Variants in BCL11A observed in about 807,000 individuals in gnomAD.
The protein encoded by BCL11A is B cell CLL/lymphoma 11A.
BCL11A carries 2 observed loss-of-function variants against 55.9 expected under a neutral mutation model. The ratio of observed to expected loss-of-function variants is 0.04; its 90% CI spans 0.01 to 0.11. BCL11A has a LOEUF of 0.11. Among genes scored for constraint, BCL11A ranks in the 10% least tolerant of loss-of-function variants. BCL11A has a pLI of 1.00. For missense variants in BCL11A, 817 were observed against 1,137.1 expected (o/e 0.72, Z 4.05); for synonymous variants, 465 against 473.4 (o/e 0.98, Z 0.23).
intron 2 of BCL11A, among the ~76,000 whole-genome samples, chr2:60,518,422 G>A (rs1474012511): frequency 2.0e-5 from 3 of 152,168 alleles, no homozygotes; most frequent in East Asian, 1.9e-4. Context: ...AAATGTCTGC[G>A]ATAGAGCAGA....
At chr2:60,547,709 G>C (rs1005787493) in intron 1 of BCL11A, among the ~76,000 whole-genome samples, 1 of 152,084 alleles carries the variant, frequency 6.6e-6, no homozygotes, top group Non-Finnish European at 1.5e-5. Context: ...TATTGGAACA[G>C]ATTTTGATAA....
rs2103797497 is a variant in BCL11A at position 60,458,736 on chromosome 2, T to C, written c.*1668A>G. ...TTGTACAGTGCACTTAATTGTCCTA[T>C]CTGAGCAGGTTTATTTTATACTCAA... On this transcript the variant is annotated 3_prime_UTR_variant, in exon 4 of 4. Coordinates refer to ENST00000642384, the MANE Select transcript of BCL11A (RefSeq NM_022893.4). 1 of 1,033,618 alleles carries C rather than the reference T, an allele frequency of 9.7e-7. No homozygotes were observed. The highest frequency in any genetic ancestry group is 6.0e-5 in the East Asian group (1 of 16,576). The allele number at this position is 1,033,618 out of a possible 1,614,324, so 64.0% of individuals were successfully genotyped here.
chr2:60,452,912 C>G (rs1254616586), downstream of BCL11A: 2 of 457,344 alleles, frequency 4.4e-6, no homozygotes, highest in Non-Finnish European at 8.0e-6. Flanking sequence ...GTCCCCCCAC[C>G]CCTGCCCAAT....
In BCL11A at chr2:60,457,458, C is replaced by A; in HGVS notation, c.*2946G>T. ...CATAAGCAATAATAAATAGTGACTC[C>A]CATAGTAAAAGATAAAATTTCAAGT... On this transcript the variant is annotated 3_prime_UTR_variant, in exon 4 of 4. Transcript: ENST00000642384. 9.6e-7 allele frequency: 1 copy of A among 1,039,934 alleles called. No individual in the cohort carries two copies. The highest frequency in any genetic ancestry group is 1.2e-6 in the Non-Finnish European group (1 of 862,560). 64.4% of individuals were successfully genotyped at this position (1,039,934 alleles called of 1,614,324 possible). A position where few individuals can be genotyped will look rare whatever the true frequency, so the allele number is the denominator to read the frequency against.
intron 2 of BCL11A, among the ~76,000 whole-genome samples, chr2:60,486,783 G>C (rs1678304088): frequency 6.6e-6 from 1 of 152,200 alleles, no homozygotes; most frequent in African/African-American, 2.4e-5. Flanking sequence ...CACAGTCTGA[G>C]AATGACCACA....
downstream of BCL11A, among the ~76,000 whole-genome samples, chr2:60,454,484 T>C (rs1675858229): frequency 6.6e-6 from 1 of 151,986 alleles, no homozygotes; most frequent in Non-Finnish European, 1.5e-5. Context: ...GAGAATGGGA[T>C]GGGTACATTC....
At chr2:60,527,384 C>T (rs1284177156) in intron 2 of BCL11A, 1 of 152,186 alleles carries the variant, frequency 6.6e-6, no homozygotes, top group Non-Finnish European at 1.5e-5. Context: ...CAAGGGAGAA[C>T]CACTACACTC....
At position 60,461,067 on chromosome 2, in the gene BCL11A, C is replaced by G. The variant is rs1369034641; in HGVS notation, c.1845G>C (p.Gly615=). The change falls in exon 4 of 4, where the codon GGG becomes GGC. Residue 615 remains glycine, a synonymous_variant. Coordinates refer to ENST00000642384, the MANE Select transcript of BCL11A (RefSeq NM_022893.4). ...CCAGCAGCAGCTTTTTGGACAGGCCCCCCGAGGCCGACTCGCCCGGGGAGC... is the reference window on the plus strand; with the variant it reads ...CCAGCAGCAGCTTTTTGGACAGGCCGCCCGAGGCCGACTCGCCCGGGGAGC... The part of the protein sequence containing the change: ...RGCSPGESAS[G]GLSKKLLLGS... The G allele has an allele frequency of 4.4e-6, 7 of 1,604,318 alleles. No homozygotes were observed. Among genetic ancestry groups the G allele is most frequent in the South Asian group, 1.1e-5 (1 of 90,400 alleles).
In BCL11A at chr2:60,468,827, A is replaced by G; in HGVS notation, c.392T>C (p.Leu131Pro). 6.2e-7 allele frequency: 1 copy of G among 1,606,130 alleles called. No individual in the cohort carries two copies. Among genetic ancestry groups the G allele is most frequent in the Non-Finnish European group, 8.5e-7 (1 of 1,177,674 alleles). Residue 131 changes from leucine to proline, a missense_variant, in exon 3 of 4, where the codon CTT (leucine) becomes CCT (proline). Leu to Pro is a moderately conservative substitution (Grantham distance 98, BLOSUM62 -3). Transcript: ENST00000642384. ...GGAGGAGAGGCCCCTCCAGTGCAGA[A>G]GTTTATCTGTGAAAGAAACCCAAAA... ...CPKQEHIADKLLHWRGLSSPR... is the reference protein window; with the variant it reads ...CPKQEHIADKPLHWRGLSSPR...
Position 60,546,073 on chromosome 2 carries a change from C to T in BCL11A, c.283G>A (p.Ala95Thr). 1.2e-6 allele frequency: 2 copies of T among 1,614,196 alleles called. No individual in the cohort carries two copies. The highest frequency in any genetic ancestry group is 1.7e-6 in the Non-Finnish European group (2 of 1,180,040). ...PSPSPIEMKK[A>T]SNPVEVGIQV... ...ATGCCAACCTCCACGGGATTGGATG[C>T]TTTTTTCATCTCGATTGGTGAAGGG... Residue 95 changes from alanine (A) to threonine (T), a missense_variant, in exon 2 of 4, where the codon GCA becomes ACA. Ala to Thr is a moderately conservative substitution (Grantham distance 58). Around this residue, in one of 4 missense-constraint regions of BCL11A, gnomAD observed 363 missense variants for 486.6 expected, o/e 0.75. Coordinates refer to ENST00000642384, the MANE Select transcript of BCL11A (RefSeq NM_022893.4). The surrounding 1 kb of genome is among the most constrained non-coding windows in gnomAD (Gnocchi z 4.1).
intron 2 of BCL11A, chr2:60,535,312 C>T (rs949388692): frequency 5.9e-5 from 9 of 152,146 alleles, no homozygotes; most frequent in African/African-American, 2.2e-4. Flanking sequence ...GTAATATCTT[C>T]CAGACTGAGC....
At chr2:60,492,674 T>C (rs1462145561) in intron 2 of BCL11A, among the ~76,000 whole-genome samples, 1 of 151,844 alleles carries the variant, frequency 6.6e-6, no homozygotes, top group African/African-American at 2.4e-5. Context: ...AATCTCAGAA[T>C]ACAAAGGGCA....
intron 2 of BCL11A, chr2:60,545,669 C>T: frequency 2.8e-6 from 1 of 354,310 alleles, no homozygotes; most frequent in East Asian, 6.4e-5. Context: ...AAGCTCAATA[C>T]TTCAAAATGA....
intron 2 of BCL11A, among the ~76,000 whole-genome samples, chr2:60,485,335 C>T (rs924887930): frequency 2.0e-5 from 3 of 152,214 alleles, no homozygotes. Context: ...GCAAGAATGC[C>T]AAGGATAGCC....
chr2:60,497,918 G>C (rs985756734), intron 2 of BCL11A, among the ~76,000 whole-genome samples: 7 of 152,018 alleles, frequency 4.6e-5, no homozygotes, highest in Non-Finnish European at 1.0e-4. Context: ...GTGATAGAAG[G>C]GGGAGCCTGG....
At chr2:60,452,313 G>A (rs947799540), downstream of BCL11A, 1 of 376,560 alleles carries the variant, frequency 2.7e-6, no homozygotes, top group Non-Finnish European at 4.9e-6. Context: ...ACTCATGACA[G>A]CGATGGTCCA....
intron 2 of BCL11A, among the ~76,000 whole-genome samples, chr2:60,477,877 G>A (rs1371646119): frequency 6.6e-6 from 1 of 152,180 alleles, no homozygotes; most frequent in Non-Finnish European, 1.5e-5. Flanking sequence ...CTCCCCCAAG[G>A]CCAACAAGCC....
chr2:60,547,950 A>G (rs768739443), intron 1 of BCL11A, among the ~76,000 whole-genome samples: 2 of 152,216 alleles, frequency 1.3e-5, no homozygotes, highest in Non-Finnish European at 2.9e-5. Context: ...TATTCCTACT[A>G]ATAAAGACAG....
At chr2:60,553,087 T>C (rs1055537560) in intron 1 of BCL11A, 129 bp downstream of exon 1, 1 of 932,920 alleles carries the variant, frequency 1.1e-6, no homozygotes, top group South Asian at 1.8e-5. Context: ...ACCTCGACTC[T>C]CGGAGGTTTT....
Sources: allele counts gnomAD v4.1 joint callset (sites outside exome capture counted in the v4.1 genomes callset), GRCh38; gene constraint gnomAD v4.1.1; regional missense constraint gnomAD v4.1.1; non-coding constraint Gnocchi (gnomAD v3.1); transcripts MANE v1.5; gene names NCBI Gene and HGNC (gene_info 2026-07-23, HGNC 2026-07-21).